The following TASP1 variants were observed in gnomAD, a reference collection of about 807,000 sequenced individuals.
The protein encoded by TASP1 is threonine aspartase 1.
A neutral mutation model predicts 56.6 loss-of-function variants in TASP1; 16 were observed. That is an observed-to-expected ratio of 0.28 (90% confidence interval 0.19 to 0.43). The LOEUF is 0.43. Among genes scored for constraint, TASP1 ranks in the 20% least tolerant of loss-of-function variants. The pLI is 1.00. For synonymous variants in TASP1, 179 were observed against 184.2 expected, an observed-to-expected ratio of 0.97 and a Z score of 0.23; for missense variants, 393 against 511.6, an observed-to-expected ratio of 0.77 and a Z score of 2.24.
At position 13,462,510 on chromosome 20, in the gene TASP1, G is replaced by C. The variant is rs141172728; in HGVS notation, c.985+20717C>G. On this transcript the variant is annotated intron_variant, in intron 11 of 13. Transcript: ENST00000337743. The stretch of plus-strand genomic sequence containing the variant: ...TTCCTAAGCATGGTAAAAAGGAATA[G>C]CTGCCTTTCCCACATATCTGCCAAG... 6.1e-3 allele frequency among the ~76,000 whole-genome samples: 930 copies of C among 152,256 alleles called. 9 individuals carry two copies. The highest frequency in any genetic ancestry group is 0.021 in the African/African-American group (884 of 41,550).
At chr20:13,126,994 G>T in the TASP1 span, among the ~76,000 whole-genome samples, 1 of 152,264 alleles carries the variant, frequency 6.6e-6, no homozygotes, top group Non-Finnish European at 1.5e-5. Flanking sequence ...TTGTGTGCGT[G>T]TGTGTGCGCG....
chr20:13,250,841 A>G, the TASP1 span, among the ~76,000 whole-genome samples: 6 of 152,294 alleles, frequency 3.9e-5, no homozygotes, highest in African/African-American at 1.4e-4. Context: ...TAATTAGGTG[A>G]TTTCAGCTTT....
the TASP1 span, among the ~76,000 whole-genome samples, chr20:13,212,499 T>G: frequency 6.6e-6 from 1 of 152,160 alleles, no homozygotes; most frequent in Non-Finnish European, 1.5e-5. Flanking sequence ...CGTTGTTAAC[T>G]CACAGAAACA....
At chr20:13,623,600 T>A (rs2048791414) in intron 3 of TASP1, 86 bp from the exon 4 acceptor site, 2 of 1,066,828 alleles carry the variant, frequency 1.9e-6, no homozygotes, top group Non-Finnish European at 2.9e-6. Context: ...GGGAGACACT[T>A]AGATTAATAA....
At chr20:13,372,693 A>G in the TASP1 span, among the ~76,000 whole-genome samples, 1 of 151,676 alleles carries the variant, frequency 6.6e-6, no homozygotes, top group South Asian at 2.1e-4. Context: ...TCATGTGTCT[A>G]TTGTGTTCCT....
intron 10 of TASP1, among the ~76,000 whole-genome samples, chr20:13,528,219 CAAAAAAAAAA>C (rs397942980): frequency 5.5e-5 from 3 of 54,338 alleles, no homozygotes; most frequent in East Asian, 1.3e-3. Flanking sequence ...GACTCTGACT[CAAAAAAAAAA>C]AAAAAAAAAA....
At chr20:13,236,442 T>C in the TASP1 span, among the ~76,000 whole-genome samples, 65 of 152,158 alleles carry the variant, frequency 4.3e-4, no homozygotes, top group African/African-American at 1.4e-3. Context: ...TGAGATTTGA[T>C]TGGGGACACA....
At chr20:13,177,420 C>T in the TASP1 span, among the ~76,000 whole-genome samples, 2 of 152,056 alleles carry the variant, frequency 1.3e-5, no homozygotes, top group South Asian at 2.1e-4. Context: ...ATTCTAAAAT[C>T]TGTATGGAAC....
At chr20:13,503,064 G>T (rs2044003219) in intron 10 of TASP1, among the ~76,000 whole-genome samples, 1 of 152,080 alleles carries the variant, frequency 6.6e-6, no homozygotes, top group South Asian at 2.1e-4. Flanking sequence ...CTTCTTTCTT[G>T]CCCCACCCAG....
At chr20:13,536,624 C>T (rs1310347818) in intron 8 of TASP1, among the ~76,000 whole-genome samples, 1 of 152,002 alleles carries the variant, frequency 6.6e-6, no homozygotes, top group Non-Finnish European at 1.5e-5. Context: ...TATGCCAGTA[C>T]TTTTTGCCCT....
chr20:13,190,988 T>C, the TASP1 span, among the ~76,000 whole-genome samples: 1 of 152,070 alleles, frequency 6.6e-6, no homozygotes, highest in Non-Finnish European at 1.5e-5. Context: ...AAAAGGTGGA[T>C]GAAAAATGTT....
At chr20:13,484,661 G>A (rs1445895522) in intron 10 of TASP1, among the ~76,000 whole-genome samples, 2 of 150,510 alleles carry the variant, frequency 1.3e-5, no homozygotes, top group African/African-American at 4.9e-5. Context: ...ATTTGAACCT[G>A]GTAGGCGGAG....
the TASP1 span, among the ~76,000 whole-genome samples, chr20:13,238,738 G>A: frequency 5.9e-5 from 9 of 152,144 alleles, no homozygotes; most frequent in Non-Finnish European, 1.2e-4. Context: ...TCACATCTAC[G>A]ATCAAAATGA....
chr20:13,136,241 T>C, the TASP1 span, among the ~76,000 whole-genome samples: 1 of 151,914 alleles, frequency 6.6e-6, no homozygotes, highest in Non-Finnish European at 1.5e-5. Flanking sequence ...AAAGATAAAA[T>C]TAAGATGGAA....
intron 13 of TASP1, among the ~76,000 whole-genome samples, chr20:13,415,032 G>A (rs1346540827): frequency 6.6e-6 from 1 of 152,086 alleles, no homozygotes; most frequent in Admixed American, 6.6e-5. Flanking sequence ...GTAACAAGCA[G>A]AAGGAAGACA....
At chr20:13,387,029 C>G (rs2041167699), downstream of TASP1, among the ~76,000 whole-genome samples, 1 of 152,034 alleles carries the variant, frequency 6.6e-6, no homozygotes, top group Non-Finnish European at 1.5e-5. Flanking sequence ...ACCCTCCACT[C>G]TCAAGTAGGT....
At chr20:13,594,879 C>CTCG (rs1241927962) in intron 4 of TASP1, among the ~76,000 whole-genome samples, 1 of 152,076 alleles carries the variant, frequency 6.6e-6, no homozygotes, top group Non-Finnish European at 1.5e-5. Context: ...CAGAGAACAC[C>CTCG]ACAAAGATAC....
intron 13 of TASP1, among the ~76,000 whole-genome samples, chr20:13,401,883 G>T (rs1188478499): frequency 6.6e-6 from 1 of 152,104 alleles, no homozygotes; most frequent in Non-Finnish European, 1.5e-5. Flanking sequence ...TAAAATGTTG[G>T]GTACTAGAAG....
At chr20:13,561,219 C>T (rs996977372) in intron 7 of TASP1, among the ~76,000 whole-genome samples, 1 of 152,012 alleles carries the variant, frequency 6.6e-6, no homozygotes, top group Admixed American at 6.6e-5. Context: ...GAAATCCTTC[C>T]GGTTAAAATG....
Sources: gnomAD v4.1 joint callset for allele counts (sites outside exome capture counted in the v4.1 genomes callset) on GRCh38, gnomAD v4.1.1 for gene constraint, MANE v1.5 for transcripts, NCBI Gene and HGNC (gene_info 2026-07-23, HGNC 2026-07-21) for gene names.